Variants in GMPS observed in about 807,000 individuals in gnomAD.
GMPS encodes the protein GMP synthase [glutamine-hydrolyzing].
Under a neutral mutation model 77.9 loss-of-function variants are expected in GMPS, and 15 were observed. The observed-to-expected ratio is 0.19, with a 90% CI of 0.13 to 0.30. The LOEUF is 0.30. Ranked by LOEUF, GMPS falls within the 10% of genes least tolerant of loss-of-function variation. GMPS has a pLI of 1.00. For synonymous variants in GMPS, 224 were observed against 275.9 expected (o/e 0.81, Z 1.86); for missense variants, 590 against 838.8 (o/e 0.70, Z 3.66).
intron 13 of GMPS, among the ~76,000 whole-genome samples, chr3:155,932,712 C>T (rs1755657551): frequency 6.6e-6 from 1 of 152,122 alleles, no homozygotes; most frequent in Non-Finnish European, 1.5e-5. Flanking sequence ...CAAATTGCTG[C>T]AGAAATCAGA....
At chr3:155,909,275 T>G (rs143822411) in intron 5 of GMPS, among the ~76,000 whole-genome samples, 11 of 152,324 alleles carry the variant, frequency 7.2e-5, no homozygotes, top group African/African-American at 2.4e-4. Flanking sequence ...AACACATTTG[T>G]CAAGTAGTTG....
intron 14 of GMPS, 141 bp from the exon 15 acceptor site, chr3:155,936,197 T>C: frequency 1.6e-6 from 1 of 610,612 alleles, no homozygotes; most frequent in Non-Finnish European, 3.0e-6. Flanking sequence ...TGCGAGTAGC[T>C]GAAATCAATG....
chr3:155,879,416 C>T lies in GMPS; in HGVS notation c.27+8519C>T, dbSNP rs565908312. On this transcript the variant is annotated intron_variant, in intron 1 of 15. Transcript: ENST00000496455. Reference sequence around the variant, plus strand: ...CCAAGTAGCTGGGATTACAGGCATGCGCCACCACACTGGCTAATTTTTGTA... The same window carrying T: ...CCAAGTAGCTGGGATTACAGGCATGTGCCACCACACTGGCTAATTTTTGTA... 6.6e-5 allele frequency among the ~76,000 whole-genome samples: 10 copies of T among 151,314 alleles called. No individual in the cohort carries two copies. The South Asian group carries it at 8.4e-4, about 13-fold the overall frequency.
chr3:155,938,786 A>T lies in GMPS; in HGVS notation c.*1094A>T, dbSNP rs114954023. On this transcript the variant is annotated 3_prime_UTR_variant, in exon 16 of 16. Coordinates refer to ENST00000496455, the MANE Select transcript of GMPS (RefSeq NM_003875.3). ...TCCTTTCTACTAGCTATAAGAGAGG[A>T]TTTAAGAACTGGTGTAGGACTTGTT... 0.018 allele frequency: 3,725 copies of T among 211,264 alleles called. 53 individuals are homozygous for T. The highest frequency in any genetic ancestry group is 0.029 in the Middle Eastern group (19 of 650). The allele number at this position is 211,264 out of a possible 1,614,324, so 13.1% of individuals were successfully genotyped here.
At chr3:155,922,644 A>G (rs1326197739) in intron 11 of GMPS, among the ~76,000 whole-genome samples, 1 of 152,218 alleles carries the variant, frequency 6.6e-6, no homozygotes, top group East Asian at 1.9e-4. Flanking sequence ...GAGGACAGCT[A>G]CTAATCCTTT....
intron 1 of GMPS, among the ~76,000 whole-genome samples, chr3:155,874,676 A>G (rs1446693065): frequency 6.6e-6 from 1 of 152,126 alleles, no homozygotes; most frequent in Non-Finnish European, 1.5e-5. Context: ...CTCGGATGAC[A>G]TTGCCTTTAG....
intron 1 of GMPS, among the ~76,000 whole-genome samples, chr3:155,873,316 C>G (rs1008027107): frequency 5.9e-5 from 9 of 152,036 alleles, no homozygotes; most frequent in Admixed American, 3.3e-4. Flanking sequence ...GAGACAGGAT[C>G]TTGCTCTGTC....
In GMPS at chr3:155,884,466, G is replaced by A. The variant is rs529728902; in HGVS notation, c.28-9052G>A. On this transcript the variant is annotated intron_variant, in intron 1 of 15. Coordinates refer to ENST00000496455, the MANE Select transcript of GMPS (RefSeq NM_003875.3). ...TTTTAGTCAACAGTGCCAACTTTTC[G>A]TAGTTATTTGAGAACTGGTCACATA... Among the ~76,000 whole-genome samples, 6 of 151,832 alleles carry A rather than the reference G, an allele frequency of 4.0e-5. No individual in the cohort carries two copies. The South Asian group carries it at 6.2e-4, about 16-fold the overall frequency.
chr3:155,916,131 A>T lies in GMPS; in HGVS notation c.1151A>T (p.Lys384Ile), dbSNP rs1419991813. 1 of 1,613,694 alleles carries T rather than the reference A, an allele frequency of 6.2e-7. No homozygotes were observed. The highest frequency in any genetic ancestry group is 1.7e-5 in the Admixed American group (1 of 60,008). ...IESASLVASG[K>I]AELIKTHHND... is the part of the protein sequence containing the mutation. ...AGTGCATCCCTTGTTGCAAGTGGCAAAGCTGAACTCATCAAAACCCATCAC... is the reference window on the plus strand; with the variant it reads ...AGTGCATCCCTTGTTGCAAGTGGCATAGCTGAACTCATCAAAACCCATCAC... The change falls in exon 9 of 16, where the codon AAA becomes ATA. Residue 384 changes from lysine (K) to isoleucine (I), a missense_variant. Physicochemically the swap from Lys to Ile is moderately radical, Grantham distance 102 (BLOSUM62 -3). Transcript: ENST00000496455.
chr3:155,903,406 G>T (rs1754780321), intron 3 of GMPS, among the ~76,000 whole-genome samples: 1 of 152,210 alleles, frequency 6.6e-6, no homozygotes, highest in African/African-American at 2.4e-5. Context: ...CTTTCAGACT[G>T]TTCCTTTGGA....
chr3:155,892,957 G>A (rs1754511061), intron 1 of GMPS, among the ~76,000 whole-genome samples: 1 of 152,138 alleles, frequency 6.6e-6, no homozygotes, highest in Non-Finnish European at 1.5e-5. Flanking sequence ...AAATCTTAGT[G>A]TTATGAGTTA....
At chr3:155,902,515 A>G (rs1420490110) in intron 3 of GMPS, among the ~76,000 whole-genome samples, 1 of 152,214 alleles carries the variant, frequency 6.6e-6, no homozygotes, top group Non-Finnish European at 1.5e-5. Context: ...GTTTTATTGC[A>G]ACAGTCACAC....
At chr3:155,884,907 G>T (rs1320503968) in intron 1 of GMPS, among the ~76,000 whole-genome samples, 2 of 152,136 alleles carry the variant, frequency 1.3e-5, no homozygotes, top group Non-Finnish European at 2.9e-5. Context: ...TTCTGGGAAG[G>T]TGCCCACATG....
rs1411012164 is a variant in GMPS at position 155,903,518 on chromosome 3, T to TA, written c.325-341dup. On this transcript the variant is annotated intron_variant, in intron 3 of 15. Coordinates refer to ENST00000496455, the MANE Select transcript of GMPS (RefSeq NM_003875.3). ...CTTTTTCTAAACTCAGAATACCTTT[T>TA]AAAATGCTTTTAAATCAAACTCAGG... Among the ~76,000 whole-genome samples the TA allele has an allele frequency of 2.0e-5, 3 of 152,354 alleles. No individual in the cohort carries two copies. The East Asian group carries it at 5.8e-4, about 29-fold the overall frequency.
At chr3:155,888,454 G>T (rs747844659) in intron 1 of GMPS, among the ~76,000 whole-genome samples, 5 of 151,482 alleles carry the variant, frequency 3.3e-5, no homozygotes, top group Non-Finnish European at 5.9e-5. Flanking sequence ...TTTTGAGACA[G>T]GATCTCACTC....
rs1386901161 is a variant in GMPS, at chr3:155,935,000, T to C, written c.1761T>C (p.Thr587=). 1.9e-6 allele frequency: 3 copies of C among 1,607,480 alleles called. No homozygotes were observed. The highest frequency in any genetic ancestry group is 1.7e-5 in the Admixed American group (1 of 60,010). ...PTFLTTGVLS[T]LRQADFEAHN... ...TCTTGACAACAGGGGTGCTCAGTAC[T>C]TTACGCCAAGCTGATTTTGAGGCCC... The change falls in exon 14 of 16, where the codon ACT becomes ACC. Residue 587 remains threonine (T), a synonymous_variant. Transcript: ENST00000496455.
rs1431967304 is a variant in GMPS at position 155,942,862 on chromosome 3, AC to A, written c.*5171del. On this transcript the variant is annotated 3_prime_UTR_variant, in exon 16 of 16. Transcript: ENST00000496455. ...TCATTTGGGTATTATTCTTTAGAGAACTAGAGATTACCTAGCTGCAACCTAA... is the reference window on the plus strand; with the variant it reads ...TCATTTGGGTATTATTCTTTAGAGAATAGAGATTACCTAGCTGCAACCTAA... 4.8e-6 allele frequency: 1 copy of A among 208,128 alleles called. No homozygotes were observed. The highest frequency in any genetic ancestry group is 2.3e-5 in the African/African-American group (1 of 43,950). The allele number at this position is 208,128 out of a possible 1,614,324, so 12.9% of individuals were successfully genotyped here.
At chr3:155,888,098 G>C (rs1754377719) in intron 1 of GMPS, among the ~76,000 whole-genome samples, 1 of 151,714 alleles carries the variant, frequency 6.6e-6, no homozygotes, top group Non-Finnish European at 1.5e-5. Flanking sequence ...TTTTTTAAGA[G>C]ATAGGGTCTT....
intron 8 of GMPS, 76 bp from the exon 9 acceptor site, chr3:155,915,943 T>A: frequency 1.1e-6 from 1 of 917,794 alleles, no homozygotes; most frequent in Non-Finnish European, 1.7e-6. Flanking sequence ...CTCTAAGAGA[T>A]TTAGCTGAAA....
Sources: allele counts gnomAD v4.1 joint callset (sites outside exome capture counted in the v4.1 genomes callset), GRCh38; gene constraint gnomAD v4.1.1; transcripts MANE v1.5; gene names NCBI Gene and HGNC (gene_info 2026-07-23, HGNC 2026-07-21).